Variants in SNX25 observed in about 807,000 individuals in gnomAD.
SNX25 encodes sorting nexin-25.
SNX25 carries 62 observed loss-of-function variants against 113.7 expected under a neutral mutation model. The observed-to-expected ratio is 0.55, with a 90% confidence interval of 0.44 to 0.67. SNX25 has a LOEUF of 0.67. SNX25 is among the 30% of genes least tolerant of loss of function. The probability of loss-of-function intolerance (pLI) is 0.00; values close to 1 mark genes in which losing one functional copy is unlikely to be tolerated. For missense variants in SNX25, 1,014 were observed against 1,161.0 expected (o/e 0.87, Z 1.84); for synonymous variants, 421 against 436.2 (o/e 0.97, Z 0.43).
chr4:185,300,855 A>ACACACACACACACACG (rs1753574054), intron 6 of SNX25, among the ~76,000 whole-genome samples: 1 of 151,710 alleles, frequency 6.6e-6, no homozygotes, highest in Non-Finnish European at 1.5e-5. Flanking sequence ...ACACACACAC[A>ACACACACACACACACG]CACACACACA....
intron 1 of SNX25, among the ~76,000 whole-genome samples, chr4:185,213,970 G>T (rs140494391): frequency 5.4e-4 from 77 of 143,108 alleles, no homozygotes; most frequent in African/African-American, 1.8e-3. Flanking sequence ...GTCTCGCTCT[G>T]TTGCTCAGAC....
intron 1 of SNX25, among the ~76,000 whole-genome samples, chr4:185,241,735 A>G (rs893112695): frequency 1.3e-5 from 2 of 152,148 alleles, no homozygotes; most frequent in Non-Finnish European, 2.9e-5. Flanking sequence ...GAAGATTATC[A>G]GTTATCCTTT....
intron 8 of SNX25, among the ~76,000 whole-genome samples, chr4:185,323,198 T>C (rs529245867): frequency 2.0e-5 from 3 of 152,296 alleles, no homozygotes; most frequent in East Asian, 3.9e-4. Flanking sequence ...AAATTGACAT[T>C]AGCTAATACA....
chr4:185,236,539 G>GAA (rs61284735), intron 1 of SNX25, among the ~76,000 whole-genome samples: 1 of 151,508 alleles, frequency 6.6e-6, no homozygotes, highest in Non-Finnish European at 1.5e-5. Context: ...TATTTAAATA[G>GAA]AAAAAAAAGA....
Position 185,209,949 on chromosome 4 carries a change from G to T in SNX25, c.123G>T (p.Ala41=). The change falls in exon 1 of 19, where the codon GCG becomes GCT. Residue 41 remains alanine (A), a synonymous_variant. Coordinates refer to ENST00000652585, the MANE Select transcript of SNX25 (RefSeq NM_001378034.2). This position sits in a 1 kb window ranked among gnomAD's most constrained non-coding sequence, Gnocchi z 5.2. ...GGCGGCCGGAGTCCCCGGGGGACGC[G>T]GAGGCAGCAGCAGCGGCGGCGCCGG... ...GERRPESPGD[A]EAAAAAAPGA... 1 of 983,710 alleles carries T rather than the reference G, an allele frequency of 1.0e-6. No homozygotes were observed. The highest frequency in any genetic ancestry group is 1.2e-6 in the Non-Finnish European group (1 of 829,238). The allele number at this position is 983,710 out of a possible 1,614,324, so 60.9% of individuals were successfully genotyped here. A position where few individuals can be genotyped will look rare whatever the true frequency, so the allele number is the denominator to read the frequency against.
chr4:185,332,641 A>G lies in SNX25; in HGVS notation c.1796A>G (p.Asn599Ser), dbSNP rs775110305. 1.5e-5 allele frequency: 24 copies of G among 1,613,976 alleles called. No individual in the cohort carries two copies. The highest frequency in any genetic ancestry group is 2.2e-5 in the East Asian group (1 of 44,884). ...AGEEAVDDGT[N>S]QINEQASFAV... The stretch of plus-strand genomic sequence containing the variant: ...GAGGAAGCCGTGGATGATGGTACCA[A>G]TCAGATCAATGAACAAGCCAGTTTT... The change falls in exon 10 of 19, where the codon AAT becomes AGT. Residue 599 changes from asparagine (N) to serine (S), a missense_variant. Transcript: ENST00000652585.
chr4:185,286,801 A>C (rs1220451407), intron 5 of SNX25, among the ~76,000 whole-genome samples: 1 of 152,352 alleles, frequency 6.6e-6, no homozygotes, highest in East Asian at 1.9e-4. Flanking sequence ...TGAGGTCCTG[A>C]GAGTCAGCCA....
chr4:185,240,191 C>A (rs1189322971), intron 1 of SNX25, among the ~76,000 whole-genome samples: 3 of 152,034 alleles, frequency 2.0e-5, no homozygotes, highest in Non-Finnish European at 4.4e-5. Context: ...TGGCAACCAT[C>A]CGATTTCTCA....
At position 185,281,857 on chromosome 4, in the gene SNX25, A is replaced by C. The variant is rs572557670; in HGVS notation, c.1092-6155A>C. On this transcript the variant is annotated intron_variant, in intron 5 of 18. Coordinates refer to ENST00000652585, the MANE Select transcript of SNX25 (RefSeq NM_001378034.2). ...ATGGTGAAACGTCATCTCTACGAAAAATACAAAAATTAGCCGGGTATGGTC... is the reference window on the plus strand; with the variant it reads ...ATGGTGAAACGTCATCTCTACGAAACATACAAAAATTAGCCGGGTATGGTC... Among the ~76,000 whole-genome samples the C allele has an allele frequency of 5.3e-5, 8 of 152,160 alleles. 1 individual carries two copies. The highest frequency in any genetic ancestry group is 3.9e-4 in the Admixed American group (6 of 15,274).
rs138904042 is a variant in SNX25 at position 185,344,455 on chromosome 4, A to G, written c.2188-2082A>G. Among the ~76,000 whole-genome samples the G allele has an allele frequency of 2.0e-5, 3 of 152,296 alleles. No individual in the cohort carries two copies. The East Asian group carries it at 5.8e-4, about 29-fold the overall frequency. On this transcript the variant is annotated intron_variant, in intron 12 of 18. Transcript: ENST00000652585. ...GCCCTTGAAGCTTCTAAGGAAATAG[A>G]TGACCAGATAAGGAGCGTGGTGTGC... is the stretch of plus-strand genomic sequence containing the variant.
At chr4:185,374,568 A>G, downstream of SNX25, 1 of 1,184,740 alleles carries the variant, frequency 8.4e-7, no homozygotes, top group East Asian at 2.4e-5. Context: ...CACGATGTAT[A>G]ATACTATGAA....
chr4:185,252,387 T>C (rs541898197), intron 2 of SNX25, among the ~76,000 whole-genome samples: 19 of 152,342 alleles, frequency 1.2e-4, no homozygotes, highest in African/African-American at 4.6e-4. Context: ...CTAGCTATAA[T>C]AGATTTAATA....
At chr4:185,357,228 C>T (rs1422357506) in intron 15 of SNX25, among the ~76,000 whole-genome samples, 1 of 152,212 alleles carries the variant, frequency 6.6e-6, no homozygotes, top group African/African-American at 2.4e-5. Context: ...CAAACAGGAA[C>T]AGTTAGACCC....
intron 2 of SNX25, 30 bp downstream of exon 2, chr4:185,247,408 C>A: frequency 7.3e-7 from 1 of 1,371,674 alleles, no homozygotes; most frequent in South Asian, 1.2e-5. Flanking sequence ...ATATAATTAC[C>A]ATGTAAAGCA....
chr4:185,211,432 C>T (rs186549549), intron 1 of SNX25, among the ~76,000 whole-genome samples: 31 of 152,320 alleles, frequency 2.0e-4, no homozygotes, highest in Non-Finnish European at 5.9e-5. Context: ...TTTCATATCT[C>T]ATTTAGCAGG....
Position 185,320,857 on chromosome 4 carries a change from C to A in SNX25, c.1469C>A (p.Ala490Asp). 1.3e-6 allele frequency: 2 copies of A among 1,597,302 alleles called. No individual in the cohort carries two copies. Among genetic ancestry groups the A allele is most frequent in the Non-Finnish European group, 1.7e-6 (2 of 1,173,888 alleles). ...GAATCTGTGGAACATTTAAAGAATG[C>A]TAACAAGGTAGTATATGTAGGCTGA... ...FWESVEHLKN[A>D]NKNEIPQLVG... is the part of the protein sequence containing the mutation. The change falls in exon 8 of 19, where the codon GCT becomes GAT. Residue 490 changes from alanine (A) to aspartate (D), a missense_variant. Coordinates refer to ENST00000652585, the MANE Select transcript of SNX25 (RefSeq NM_001378034.2).
At chr4:185,274,778 A>G (rs1749426138) in intron 5 of SNX25, among the ~76,000 whole-genome samples, 1 of 152,364 alleles carries the variant, frequency 6.6e-6, no homozygotes, top group Middle Eastern at 3.4e-3. Context: ...TTTCTTGATC[A>G]TTATAACAAG....
intron 6 of SNX25, 82 bp from the exon 7 acceptor site, chr4:185,310,553 C>A (rs1755102410): frequency 7.0e-6 from 9 of 1,294,454 alleles, no homozygotes; most frequent in Non-Finnish European, 9.5e-6. Context: ...ATGCCCACAG[C>A]AGACACTGAT....
chr4:185,323,448 C>A, intron 8 of SNX25, 80 bp from the exon 9 acceptor site: 1 of 1,397,906 alleles, frequency 7.2e-7, no homozygotes, highest in Non-Finnish European at 9.8e-7. Context: ...TTCTGACTTT[C>A]AAATGCAAAT....
Sources: allele counts gnomAD v4.1 joint callset (sites outside exome capture counted in the v4.1 genomes callset), GRCh38; gene constraint gnomAD v4.1.1; non-coding constraint Gnocchi (gnomAD v3.1); transcripts MANE v1.5; gene names NCBI Gene and HGNC (gene_info 2026-07-23, HGNC 2026-07-21).